SLC47A1: variants seen among roughly 807,000 people sequenced by gnomAD.
SLC47A1 encodes the protein multidrug and toxin extrusion protein 1.
In SLC47A1, 58 loss-of-function variants were observed where a neutral mutation model predicts 65.8. The ratio of observed to expected loss-of-function variants is 0.88; its 90% CI spans 0.71 to 1.10. SLC47A1 has a LOEUF of 1.10. SLC47A1 is among the 50% of genes least tolerant of loss of function. The probability of loss-of-function intolerance (pLI) is 0.00; values close to 1 mark genes in which losing one functional copy is unlikely to be tolerated. For missense variants in SLC47A1, 706 were observed against 719.2 expected, an observed-to-expected ratio of 0.98 and a Z score of 0.21; for synonymous variants, 285 against 295.0, an observed-to-expected ratio of 0.97 and a Z score of 0.35.
intron 16 of SLC47A1, among the ~76,000 whole-genome samples, chr17:19,575,701 A>G (rs1015470011): frequency 1.7e-4 from 26 of 152,062 alleles, no homozygotes; most frequent in Non-Finnish European, 8.8e-5. Flanking sequence ...CGCCTGGCCT[A>G]TTACTCTTAC....
chr17:19,567,090 C>G lies in SLC47A1; in HGVS notation c.1177-6C>G. ...TTCACAGTGATGGAATGCTCTCTGCCTGCAGTGCACGAGTGGTGGTGTTCT... is the reference window on the plus strand; with the variant it reads ...TTCACAGTGATGGAATGCTCTCTGCGTGCAGTGCACGAGTGGTGGTGTTCT... On this transcript the variant is annotated splice_region_variant and splice_polypyrimidine_tract_variant and intron_variant, in intron 13 of 16. Coordinates refer to ENST00000270570, the MANE Select transcript of SLC47A1 (RefSeq NM_018242.3). 1 of 1,614,196 alleles carries G rather than the reference C, an allele frequency of 6.2e-7. No individual in the cohort carries two copies. The highest frequency in any genetic ancestry group is 2.2e-5 in the East Asian group (1 of 44,888).
At chr17:19,559,137 G>A (rs935583471) in intron 10 of SLC47A1, among the ~76,000 whole-genome samples, 2 of 152,204 alleles carry the variant, frequency 1.3e-5, no homozygotes, top group Non-Finnish European at 2.9e-5. Flanking sequence ...AGCCCAATGA[G>A]ATAGGTTCTA....
At position 19,560,492 on chromosome 17, in the gene SLC47A1, C is replaced by T. The variant is rs185769986; in HGVS notation, c.1105C>T (p.Arg369Ter). 25 of 1,613,962 alleles carry T rather than the reference C, an allele frequency of 1.5e-5. No individual in the cohort carries two copies. The highest frequency in any genetic ancestry group is 1.5e-4 in the South Asian group (14 of 91,074). The stretch of plus-strand genomic sequence containing the variant: ...CGTGGGGTACATTTTTACTACCGAC[C>T]GGTGAGTGCTAGGATTTTCTTGAAA... ...DHVGYIFTTDRDIINLVAQVV... is the reference protein window; with the variant it reads ...DHVGYIFTTD The change falls in exon 12 of 17, where the codon CGA (arginine) becomes TGA (stop). Residue 369 changes from arginine to a stop codon, truncating the protein, a stop_gained and splice_region_variant. Transcript: ENST00000270570. LOFTEE classifies it high-confidence loss of function.
rs867365152 is a variant in SLC47A1, at chr17:19,544,546, G to T, written c.238-1889G>T. On this transcript the variant is annotated intron_variant, in intron 2 of 16. Transcript: ENST00000270570. Reference sequence around the variant, plus strand: ...TCCTGTGATACCACTCCCTGGTTTGGGGGGCACTGCTCTAGGCTCCTCGAA... The same window carrying T: ...TCCTGTGATACCACTCCCTGGTTTGTGGGGCACTGCTCTAGGCTCCTCGAA... Among the ~76,000 whole-genome samples the T allele has an allele frequency of 7.2e-5, 11 of 152,278 alleles. No homozygotes were observed. The South Asian group carries it at 2.3e-3, about 32-fold the overall frequency.
At position 19,564,174 on chromosome 17, in the gene SLC47A1, G is replaced by A. The variant is rs368493433; in HGVS notation, c.1107-2616G>A. On this transcript the variant is annotated intron_variant, in intron 12 of 16. Transcript: ENST00000270570. ...TCAAGACCAGCCTGGGAAACATGGC[G>A]AAACCCCATCTCTACAAAAAATAAA... Among the ~76,000 whole-genome samples the A allele has an allele frequency of 3.0e-4, 45 of 152,108 alleles. 1 individual carries two copies. Among genetic ancestry groups the A allele is most frequent in the Middle Eastern group, 3.4e-3 (1 of 294 alleles).
At chr17:19,560,054 T>G in intron 10 of SLC47A1, 134 bp from the exon 11 acceptor site, 9 of 627,208 alleles carry the variant, frequency 1.4e-5, no homozygotes, top group Non-Finnish European at 2.5e-5. Flanking sequence ...ACAAAGGGGA[T>G]GTTGCAAATC....
chr17:19,571,389 G>A, intron 14 of SLC47A1, 89 bp from the exon 15 acceptor site: 1 of 1,109,114 alleles, frequency 9.0e-7, no homozygotes. Flanking sequence ...ATTCAGTATG[G>A]CTGACAGAAG....
intron 12 of SLC47A1, among the ~76,000 whole-genome samples, chr17:19,563,292 T>G (rs992902111): frequency 6.6e-6 from 1 of 151,484 alleles, no homozygotes; most frequent in East Asian, 1.9e-4. Context: ...GCCACCACGC[T>G]CGGCTAATTT....
At chr17:19,540,552 C>A (rs1410184501) in intron 1 of SLC47A1, among the ~76,000 whole-genome samples, 2 of 152,158 alleles carry the variant, frequency 1.3e-5, no homozygotes, top group African/African-American at 4.8e-5. Context: ...AGGGTGGTGA[C>A]AACGCCCAAA....
At position 19,555,224 on chromosome 17, in the gene SLC47A1, C is replaced by T; in HGVS notation, c.556C>T (p.Pro186Ser). ...GTCCTTTTTCCAGGGAATTGTACTG[C>T]CCCAGATCGTAACTGGAGTTGCAGC... Reference protein sequence around the residue: ...KYLLNQGIVLPQIVTGVAANL... With the variant: ...KYLLNQGIVLSQIVTGVAANL... The change falls in exon 7 of 17, where the codon CCC becomes TCC. Residue 186 changes from proline (P) to serine (S), a missense_variant. Coordinates refer to ENST00000270570, the MANE Select transcript of SLC47A1 (RefSeq NM_018242.3). The T allele has an allele frequency of 5.6e-6, 9 of 1,614,198 alleles. No individual in the cohort carries two copies. Among genetic ancestry groups the T allele is most frequent in the Non-Finnish European group, 7.6e-6 (9 of 1,180,030 alleles).
chr17:19,563,704 A>G (rs1024271035), intron 12 of SLC47A1, among the ~76,000 whole-genome samples: 31 of 152,070 alleles, frequency 2.0e-4, no homozygotes, highest in African/African-American at 6.8e-4. Context: ...GTTATTAGAC[A>G]TAGGCTGGGC....
intron 2 of SLC47A1, 144 bp from the exon 3 acceptor site, chr17:19,546,291 G>A: frequency 5.6e-6 from 4 of 710,538 alleles, no homozygotes; most frequent in Non-Finnish European, 9.9e-6. Context: ...GTATGAGTGG[G>A]GTCCAGGCAG....
At chr17:19,570,150 T>C (rs1157933241) in intron 14 of SLC47A1, among the ~76,000 whole-genome samples, 1 of 152,140 alleles carries the variant, frequency 6.6e-6, no homozygotes, top group Non-Finnish European at 1.5e-5. Flanking sequence ...AGGCTGATCA[T>C]ACCTGAAAAA....
intron 7 of SLC47A1, 30 bp from the exon 8 acceptor site, chr17:19,555,563 C>T (rs1259598146): frequency 1.2e-6 from 2 of 1,600,234 alleles, no homozygotes; most frequent in Middle Eastern, 1.7e-4. Flanking sequence ...CAGGAAGGTA[C>T]CTCCCTCTCA....
chr17:19,548,425 C>G (rs983774149), intron 4 of SLC47A1, among the ~76,000 whole-genome samples: 1 of 152,028 alleles, frequency 6.6e-6, no homozygotes, highest in Admixed American at 6.6e-5. Flanking sequence ...TATTCTTGAC[C>G]TTCGTTGATA....
chr17:19,542,747 T>G (rs756587391), intron 2 of SLC47A1, among the ~76,000 whole-genome samples: 9 of 151,944 alleles, frequency 5.9e-5, no homozygotes, highest in Non-Finnish European at 1.0e-4. Flanking sequence ...GGGGGCATTA[T>G]CCTGTCTATC....
intron 6 of SLC47A1, among the ~76,000 whole-genome samples, chr17:19,553,601 A>G (rs1445692499): frequency 2.1e-5 from 3 of 145,590 alleles, no homozygotes; most frequent in Non-Finnish European, 4.5e-5. Flanking sequence ...GAGTGCAGTG[A>G]CGTGACCTCG....
intron 6 of SLC47A1, among the ~76,000 whole-genome samples, chr17:19,554,225 G>A (rs185635734): frequency 1.3e-5 from 2 of 152,348 alleles, no homozygotes; most frequent in East Asian, 3.9e-4. Context: ...GAGCAGATCT[G>A]TGAGTGAGGG....
intron 1 of SLC47A1, among the ~76,000 whole-genome samples, chr17:19,535,978 A>T (rs183963955): frequency 1.6e-4 from 25 of 151,980 alleles, no homozygotes; most frequent in African/African-American, 5.1e-4. Flanking sequence ...TATTATTATT[A>T]TTTTTTGAGA....
Sources: allele counts gnomAD v4.1 joint callset (sites outside exome capture counted in the v4.1 genomes callset), GRCh38; gene constraint gnomAD v4.1.1; transcripts MANE v1.5; gene names NCBI Gene and HGNC (gene_info 2026-07-23, HGNC 2026-07-21).